The following UCK2 variants were observed in gnomAD, a reference collection of about 807,000 sequenced individuals.
UCK2 encodes the protein uridine-cytidine kinase 2.
Under a neutral mutation model 30.8 loss-of-function variants are expected in UCK2, and 6 were observed. The ratio of observed to expected loss-of-function variants is 0.19; its 90% CI spans 0.11 to 0.38. UCK2 has a LOEUF of 0.38. Ranked by LOEUF, UCK2 falls within the 10% of genes least tolerant of loss-of-function variation. UCK2 has a pLI of 1.00. For synonymous variants in UCK2, 125 were observed against 133.6 expected (o/e 0.94, Z 0.45); for missense variants, 210 against 339.8 (o/e 0.62, Z 3.00).
chr1:165,861,350 C>T (rs375707619), intron 1 of UCK2, among the ~76,000 whole-genome samples: 6 of 152,020 alleles, frequency 3.9e-5, no homozygotes, highest in South Asian at 4.2e-4. Context: ...AAAACTCGGC[C>T]GGGCGCGGTG....
chr1:165,880,561 TTGGGGGTGTGTGTG>T (rs1655461723), intron 1 of UCK2, among the ~76,000 whole-genome samples: 1 of 77,638 alleles, frequency 1.3e-5, no homozygotes, highest in African/African-American at 4.5e-5. Context: ...TCAGTTTTTT[TTGGGGGTGTGTGTG>T]TGTGTGTGTG....
At chr1:165,874,453 A>G (rs1655283287) in intron 1 of UCK2, among the ~76,000 whole-genome samples, 1 of 152,182 alleles carries the variant, frequency 6.6e-6, no homozygotes. Context: ...TGTAAAAAAC[A>G]TGTAGCTCAT....
chr1:165,907,901 T>G lies in UCK2; in HGVS notation c.*78T>G, dbSNP rs1647727123. On this transcript the variant is annotated 3_prime_UTR_variant, in exon 7 of 7. Transcript: ENST00000367879. ...GGAGGCACTGCTCATCTGTACATAC[T>G]GTTTCCTATGACATTACTGTATTTA... 6.6e-7 allele frequency: 1 copy of G among 1,519,678 alleles called. No individual in the cohort carries two copies. Among genetic ancestry groups the G allele is most frequent in the Admixed American group, 2.1e-5 (1 of 47,516 alleles). The allele number at this position is 1,519,678 out of a possible 1,614,324, so 94.1% of individuals were successfully genotyped here. A position where few individuals can be genotyped will look rare whatever the true frequency, so the allele number is the denominator to read the frequency against.
intron 1 of UCK2, among the ~76,000 whole-genome samples, chr1:165,831,294 G>A (rs1384700607): frequency 6.6e-6 from 1 of 152,130 alleles, no homozygotes; most frequent in Non-Finnish European, 1.5e-5. Flanking sequence ...TGAGGCAGGA[G>A]GATGGCTTGA....
rs1210353985 is a variant in UCK2 at position 165,909,948 on chromosome 1, C to A, written c.*2125C>A. 1.3e-5 allele frequency: 2 copies of A among 152,294 alleles called. No homozygotes were observed. The highest frequency in any genetic ancestry group is 4.8e-5 in the African/African-American group (2 of 41,466). The allele number at this position is 152,294 out of a possible 1,614,324, so 9.4% of individuals were successfully genotyped here. On this transcript the variant is annotated 3_prime_UTR_variant, in exon 7 of 7. Coordinates refer to ENST00000367879, the MANE Select transcript of UCK2 (RefSeq NM_012474.5). ...AGTGCCTTGGCTGTTTATCCCACTG[C>A]CTTGGAAGATGGACTCCTCTCATCT...
chr1:165,860,043 T>C (rs1200152154), intron 1 of UCK2, among the ~76,000 whole-genome samples: 1 of 151,820 alleles, frequency 6.6e-6, no homozygotes, highest in Non-Finnish European at 1.5e-5. Flanking sequence ...TTGAAGGAGG[T>C]TCAAGCCACC....
At chr1:165,899,308 C>T (rs3790662) in intron 4 of UCK2, among the ~76,000 whole-genome samples, 1 of 152,162 alleles carries the variant, frequency 6.6e-6, no homozygotes, top group Non-Finnish European at 1.5e-5. Flanking sequence ...CACCACCCAG[C>T]TCTGAATACG....
At chr1:165,862,045 A>G (rs1406045241) in intron 1 of UCK2, among the ~76,000 whole-genome samples, 1 of 152,190 alleles carries the variant, frequency 6.6e-6, no homozygotes, top group African/African-American at 2.4e-5. Context: ...GCTTACTGAA[A>G]TGGAAGCCAT....
chr1:165,846,597 A>G (rs556169894), intron 1 of UCK2, among the ~76,000 whole-genome samples: 3 of 152,314 alleles, frequency 2.0e-5, no homozygotes, highest in African/African-American at 7.2e-5. Context: ...AGGGCTATCT[A>G]TCTTCTGAAA....
intron 4 of UCK2, among the ~76,000 whole-genome samples, chr1:165,897,411 T>C (rs1440385347): frequency 2.0e-5 from 3 of 150,910 alleles, no homozygotes; most frequent in African/African-American, 7.3e-5. Context: ...GGGAGCAGAG[T>C]TGAGATGAGA....
At chr1:165,870,201 A>ATTTTTTTTTTTT (rs11336105) in intron 1 of UCK2, among the ~76,000 whole-genome samples, 1 of 94,708 alleles carries the variant, frequency 1.1e-5, no homozygotes, top group Non-Finnish European at 2.2e-5. Context: ...GTCTAACTTC[A>ATTTTTTTTTTTT]TTTTTTTTTT....
intron 2 of UCK2, 64 bp from the exon 3 acceptor site, chr1:165,891,162 T>G: frequency 7.1e-7 from 1 of 1,400,140 alleles, no homozygotes; most frequent in East Asian, 2.4e-5. Context: ...GGATGCCTTG[T>G]GTATGATTAT....
At chr1:165,850,365 A>G (rs1417084868) in intron 1 of UCK2, among the ~76,000 whole-genome samples, 1 of 152,058 alleles carries the variant, frequency 6.6e-6, no homozygotes, top group Non-Finnish European at 1.5e-5. Flanking sequence ...CTCGACCTCA[A>G]GTGTTCCATC....
intron 1 of UCK2, among the ~76,000 whole-genome samples, chr1:165,877,262 C>T (rs1557842905): frequency 1.4e-5 from 2 of 139,258 alleles, no homozygotes; most frequent in African/African-American, 2.6e-5. Flanking sequence ...AGTCGCTAAT[C>T]TTTTTTTTAG....
intron 1 of UCK2, among the ~76,000 whole-genome samples, chr1:165,860,655 G>A (rs1244968613): frequency 6.6e-6 from 1 of 152,096 alleles, no homozygotes; most frequent in Non-Finnish European, 1.5e-5. Flanking sequence ...TCAACATGTT[G>A]GTCAGGCTGG....
chr1:165,866,431 G>T (rs1437510351), intron 1 of UCK2, among the ~76,000 whole-genome samples: 1 of 152,130 alleles, frequency 6.6e-6, no homozygotes, highest in Non-Finnish European at 1.5e-5. Context: ...TGGAATAAGT[G>T]TTCACAGATT....
At chr1:165,890,985 G>A (rs1655750784) in intron 2 of UCK2, 1 of 435,506 alleles carries the variant, frequency 2.3e-6, no homozygotes, top group African/African-American at 2.0e-5. Flanking sequence ...TGAAGTCAGG[G>A]ATGGAATGTC....
Position 165,908,027 on chromosome 1 carries a change from A to C in UCK2, c.*204A>C. On this transcript the variant is annotated 3_prime_UTR_variant, in exon 7 of 7. Transcript: ENST00000367879. Reference sequence around the variant, plus strand: ...ACTTGACCCTGAGCTTAAATAACAAAACTGTGCCAACTACTACTGGTGATG... The same window carrying C: ...ACTTGACCCTGAGCTTAAATAACAACACTGTGCCAACTACTACTGGTGATG... 1 of 614,164 alleles carries C rather than the reference A, an allele frequency of 1.6e-6. No homozygotes were observed. The allele number at this position is 614,164 out of a possible 1,614,324, so 38.0% of individuals were successfully genotyped here.
chr1:165,848,039 C>T (rs571773120), intron 1 of UCK2, among the ~76,000 whole-genome samples: 48 of 152,326 alleles, frequency 3.2e-4, no homozygotes, highest in Admixed American at 9.8e-4. Context: ...TGTTTCCCTA[C>T]ACTTTTCTTC....
Sources: allele counts gnomAD v4.1 joint callset (sites outside exome capture counted in the v4.1 genomes callset), GRCh38; gene constraint gnomAD v4.1.1; transcripts MANE v1.5; gene names NCBI Gene and HGNC (gene_info 2026-07-23, HGNC 2026-07-21).